The following TMEM260 variants were observed in gnomAD, a reference collection of about 807,000 sequenced individuals.
TMEM260 encodes the protein transmembrane protein 260, also known as protein O-mannosyl-transferase TMEM260.
TMEM260 carries 82 observed loss-of-function variants against 88.9 expected under a neutral mutation model. The observed-to-expected ratio is 0.92, with a 90% confidence interval of 0.77 to 1.11. The LOEUF (loss-of-function observed/expected upper bound fraction) is 1.11, where lower values mean the gene tolerates loss of function less well. Among genes scored for constraint, TMEM260 ranks in the 50% least tolerant of loss-of-function variants. The pLI is 0.00. For synonymous variants in TMEM260, 314 were observed against 309.3 expected, an observed-to-expected ratio of 1.02 and a Z score of -0.16; for missense variants, 902 against 853.4, an observed-to-expected ratio of 1.06 and a Z score of -0.71.
At chr14:56,639,670 C>G (rs1889417752) in intron 15 of TMEM260, among the ~76,000 whole-genome samples, 1 of 152,128 alleles carries the variant, frequency 6.6e-6, no homozygotes, top group Non-Finnish European at 1.5e-5. Flanking sequence ...ATGTGTGAGC[C>G]AAAGCAGGGC....
rs554185492 is a variant in TMEM260, at chr14:56,580,197, CT to C, written c.160+124del. On this transcript the variant is annotated intron_variant, in intron 1 of 15. Transcript: ENST00000261556. ...CAGCTCTGGGCCTCCATCCACCCCC[CT>C]GTGCACAGCGCACTATTGTGTGTTC... 250 of 722,054 alleles carry C rather than the reference CT, an allele frequency of 3.5e-4. No individual in the cohort carries two copies. The African/African-American group carries it at 4.2e-3, about 12-fold the overall frequency. 44.7% of individuals were successfully genotyped at this position (722,054 alleles called of 1,614,324 possible). A position where few individuals can be genotyped will look rare whatever the true frequency, so the allele number is the denominator to read the frequency against.
At chr14:56,584,907 T>C in intron 1 of TMEM260, 94 bp from the exon 2 acceptor site, 1 of 976,294 alleles carries the variant, frequency 1.0e-6, no homozygotes, top group South Asian at 1.4e-5. Context: ...GTCAAATTAA[T>C]GCAAAACCCC....
chr14:56,605,612 A>G lies in TMEM260; in HGVS notation c.565A>G (p.Asn189Asp). ...GAFCCGLSLC[N>D]QHTIILYVLC... is the part of the protein sequence containing the mutation. ...TTTCTGCTGTGGCCTTAGTTTATGT[A>G]ACCAGCACACAATAATACTCTATGT... Residue 189 changes from asparagine (N) to aspartate (D), a missense_variant, in exon 5 of 16, where the codon AAC (asparagine) becomes GAC (aspartate). By Grantham distance (23) the Asn-to-Asp change is conservative. Coordinates refer to ENST00000261556, the MANE Select transcript of TMEM260 (RefSeq NM_017799.4). 6.3e-7 allele frequency: 1 copy of G among 1,588,294 alleles called. No homozygotes were observed. Among genetic ancestry groups the G allele is most frequent in the Admixed American group, 1.8e-5 (1 of 56,390 alleles).
chr14:56,637,228 TATA>T (rs1889170730), intron 15 of TMEM260, among the ~76,000 whole-genome samples: 1 of 152,234 alleles, frequency 6.6e-6, no homozygotes, highest in African/African-American at 2.4e-5. Context: ...AGGAAACTAA[TATA>T]ATAGCTTCAT....
At chr14:56,654,727 T>C (rs1026661898), downstream of TMEM260, among the ~76,000 whole-genome samples, 1 of 138,100 alleles carries the variant, frequency 7.2e-6, no homozygotes, top group Non-Finnish European at 1.5e-5. Flanking sequence ...GGCAGGAGAA[T>C]CGCTTGAACC....
intron 12 of TMEM260, 96 bp from the exon 13 acceptor site, chr14:56,632,899 G>T: frequency 8.3e-7 from 1 of 1,209,474 alleles, no homozygotes; most frequent in Non-Finnish European, 1.1e-6. Flanking sequence ...ATAACTGTTG[G>T]GAAAAAATCT....
chr14:56,642,170 T>C (rs1889646105), intron 15 of TMEM260, among the ~76,000 whole-genome samples: 1 of 152,208 alleles, frequency 6.6e-6, no homozygotes, highest in Non-Finnish European at 1.5e-5. Context: ...AATAGAGATC[T>C]ACAGAACTCT....
chr14:56,596,921 C>G (rs1469938903), intron 3 of TMEM260, among the ~76,000 whole-genome samples: 5 of 151,150 alleles, frequency 3.3e-5, no homozygotes, highest in African/African-American at 1.2e-4. Flanking sequence ...AATCTGGTTT[C>G]TTCATAGTGT....
At chr14:56,605,195 G>C (rs552520719) in intron 4 of TMEM260, among the ~76,000 whole-genome samples, 7 of 152,246 alleles carry the variant, frequency 4.6e-5, no homozygotes, top group Non-Finnish European at 7.4e-5. Context: ...CTAAATAAAA[G>C]AGGCTATATT....
chr14:56,601,287 T>C (rs181158349), intron 3 of TMEM260, among the ~76,000 whole-genome samples: 38 of 152,294 alleles, frequency 2.5e-4, no homozygotes, highest in African/African-American at 8.4e-4. Context: ...TAGTGAATGT[T>C]GAGTTTTCTT....
At position 56,596,427 on chromosome 14, in the gene TMEM260, CAT is replaced by C. The variant is rs1452183834; in HGVS notation, c.345-7386_345-7385del. 6.9e-3 allele frequency among the ~76,000 whole-genome samples: 749 copies of C among 109,154 alleles called. 7 individuals are homozygous for C. Among genetic ancestry groups the C allele is most frequent in the African/African-American group, 0.014 (423 of 30,684 alleles). 71.6% of individuals were successfully genotyped at this position (109,154 alleles called of 152,430 possible). A position where few individuals can be genotyped will look rare whatever the true frequency, so the allele number is the denominator to read the frequency against. ...GTGTGTATATATATATATATATATACATACACACACATATACATATATATAGA... is the reference window on the plus strand; with the variant it reads ...GTGTGTATATATATATATATATATACACACACACATATACATATATATAGA... On this transcript the variant is annotated intron_variant, in intron 3 of 15. Coordinates refer to ENST00000261556, the MANE Select transcript of TMEM260 (RefSeq NM_017799.4).
chr14:56,646,736 CGTTGCTAGT>C lies in TMEM260; in HGVS notation c.1870-502_1870-494del, dbSNP rs1475698459. Among the ~76,000 whole-genome samples, 5 of 152,200 alleles carry C rather than the reference CGTTGCTAGT, an allele frequency of 3.3e-5. 1 individual carries two copies. In the South Asian group the frequency reaches 6.2e-4, roughly 19 times the overall value. ...GATGAATTTGTCTGGATTGTTTTATCGTTGCTAGTGTTGTTAGTGTTGTTTTTAATGTAG... is the reference window on the plus strand; with the variant it reads ...GATGAATTTGTCTGGATTGTTTTATCGTTGTTAGTGTTGTTTTTAATGTAG... On this transcript the variant is annotated intron_variant, in intron 15 of 15. Coordinates refer to ENST00000261556, the MANE Select transcript of TMEM260 (RefSeq NM_017799.4).
chr14:56,619,102 T>A (rs1887758456), intron 10 of TMEM260, among the ~76,000 whole-genome samples: 1 of 152,190 alleles, frequency 6.6e-6, no homozygotes, highest in Non-Finnish European at 1.5e-5. Context: ...GTAAAATGAT[T>A]TAGAGTTTTT....
chr14:56,609,310 T>A (rs369800463), intron 6 of TMEM260, 25 bp downstream of exon 6: 27 of 1,603,632 alleles, frequency 1.7e-5, no homozygotes, highest in Admixed American at 8.4e-5. Context: ...AAAGCCCTTC[T>A]AAGGAAACAA....
At chr14:56,638,053 AT>A (rs1594890752) in intron 15 of TMEM260, 1 of 152,424 alleles carries the variant, frequency 6.6e-6, no homozygotes, top group Admixed American at 6.5e-5. Context: ...TTGGAGTGTC[AT>A]CTTGAAAGAT....
chr14:56,585,753 T>C lies in TMEM260; in HGVS notation c.193-8T>C. On this transcript the variant is annotated splice_polypyrimidine_tract_variant and splice_region_variant and intron_variant, in intron 2 of 15. Transcript: ENST00000261556. ...AAAACCTTCTAACTGTTGCTAATTTTTCCGTAGGTTGCCCATCCTCCTGGC... is the reference window on the plus strand; with the variant it reads ...AAAACCTTCTAACTGTTGCTAATTTCTCCGTAGGTTGCCCATCCTCCTGGC... 6.2e-7 allele frequency: 1 copy of C among 1,610,514 alleles called. No individual in the cohort carries two copies.
intron 3 of TMEM260, among the ~76,000 whole-genome samples, chr14:56,601,536 A>G (rs188076632): frequency 9.2e-5 from 14 of 152,250 alleles, no homozygotes; most frequent in Non-Finnish European, 1.8e-4. Context: ...TATAGGAGGT[A>G]CCTTGAGAGA....
intron 12 of TMEM260, among the ~76,000 whole-genome samples, chr14:56,632,261 C>T (rs1021670423): frequency 5.3e-5 from 8 of 152,166 alleles, no homozygotes; most frequent in Non-Finnish European, 1.2e-4. Flanking sequence ...CTGCTGTGCC[C>T]TTCCTGTGAC....
At chr14:56,628,705 G>A (rs1169478901) in intron 12 of TMEM260, among the ~76,000 whole-genome samples, 1 of 151,712 alleles carries the variant, frequency 6.6e-6, no homozygotes. Flanking sequence ...TCATCCTTTT[G>A]TTTCTAACCA....
Sources: allele counts gnomAD v4.1 joint callset (sites outside exome capture counted in the v4.1 genomes callset), GRCh38; gene constraint gnomAD v4.1.1; transcripts MANE v1.5; gene names NCBI Gene and HGNC (gene_info 2026-07-23, HGNC 2026-07-21).